The following STX18 variants were observed in gnomAD, a reference collection of about 807,000 sequenced individuals.
STX18 encodes the protein syntaxin-18.
A neutral mutation model predicts 50.1 loss-of-function variants in STX18; 40 were observed. That is an observed-to-expected ratio of 0.80 (90% CI 0.62 to 1.04). The LOEUF (loss-of-function observed/expected upper bound fraction) is 1.04, where lower values mean the gene tolerates loss of function less well. Ranked by LOEUF, STX18 falls within the 50% of genes least tolerant of loss-of-function variation. The probability of loss-of-function intolerance (pLI) is 0.00; values close to 1 mark genes in which losing one functional copy is unlikely to be tolerated. For missense variants in STX18, 410 were observed against 415.8 expected, an observed-to-expected ratio of 0.99 and a Z score of 0.12; for synonymous variants, 158 against 151.8, an observed-to-expected ratio of 1.04 and a Z score of -0.30.
chr4:4,457,346 T>G, intron 4 of STX18, 77 bp downstream of exon 4: 9 of 1,564,402 alleles, frequency 5.8e-6, no homozygotes, highest in Middle Eastern at 1.7e-4. Context: ...TACTACAGTC[T>G]TCAGCTAGCA....
At chr4:4,505,109 G>A (rs972921444) in intron 1 of STX18, among the ~76,000 whole-genome samples, 2 of 152,082 alleles carry the variant, frequency 1.3e-5, no homozygotes, top group African/African-American at 2.4e-5. Flanking sequence ...CTGGGCAACC[G>A]ATTTACTTTC....
At chr4:4,527,279 C>T (rs1427853725) in intron 1 of STX18, among the ~76,000 whole-genome samples, 1 of 152,134 alleles carries the variant, frequency 6.6e-6, no homozygotes, top group Non-Finnish European at 1.5e-5. Context: ...TTCCTTTCTA[C>T]CTGTATAAAG....
intron 1 of STX18, among the ~76,000 whole-genome samples, chr4:4,519,699 A>T (rs778351265): frequency 1.3e-5 from 2 of 152,224 alleles, no homozygotes; most frequent in Non-Finnish European, 2.9e-5. Context: ...TAGTTGTTAA[A>T]TCATCATCTA....
At position 4,424,841 on chromosome 4, in the gene STX18, A is replaced by G. The variant is rs764751048; in HGVS notation, c.761+323T>C. The stretch of plus-strand genomic sequence containing the variant: ...CTTCATAAGGGCCCCATTTCATTTC[A>G]GAGTCGCTGCGTGGAAACAGCCCGA... On this transcript the variant is annotated intron_variant, in intron 8 of 10. Transcript: ENST00000306200. Among the ~76,000 whole-genome samples the G allele has an allele frequency of 3.9e-5, 6 of 152,118 alleles. No homozygotes were observed. In the South Asian group the frequency reaches 1.2e-3, roughly 32 times the overall value.
At chr4:4,519,127 A>G (rs36049976) in intron 1 of STX18, among the ~76,000 whole-genome samples, 73 of 152,308 alleles carry the variant, frequency 4.8e-4, no homozygotes, top group Admixed American at 2.3e-3. Flanking sequence ...CACAGTAACA[A>G]ACACATTATT....
chr4:4,511,626 G>A (rs1313776307), intron 1 of STX18, among the ~76,000 whole-genome samples: 6 of 151,934 alleles, frequency 3.9e-5, no homozygotes, highest in African/African-American at 1.2e-4. Flanking sequence ...GGGTGATGGC[G>A]TATTTGTATA....
chr4:4,509,094 A>G (rs1286927489), intron 1 of STX18, among the ~76,000 whole-genome samples: 16 of 152,196 alleles, frequency 1.1e-4, no homozygotes, highest in Admixed American at 1.0e-3. Flanking sequence ...TGGGATTGCT[A>G]GGTCAAATGG....
At chr4:4,477,173 G>T (rs1164295180) in intron 1 of STX18, among the ~76,000 whole-genome samples, 1 of 152,184 alleles carries the variant, frequency 6.6e-6, no homozygotes, top group Non-Finnish European at 1.5e-5. Context: ...AACCCTGGAG[G>T]TGGAGGTTGT....
intron 1 of STX18, among the ~76,000 whole-genome samples, chr4:4,527,308 A>C (rs1730814740): frequency 6.6e-6 from 1 of 152,230 alleles, no homozygotes; most frequent in Non-Finnish European, 1.5e-5. Flanking sequence ...TGCTTTGGGA[A>C]TTCACTCACA....
At chr4:4,479,935 T>G (rs1421741471) in intron 1 of STX18, among the ~76,000 whole-genome samples, 1 of 152,212 alleles carries the variant, frequency 6.6e-6, no homozygotes, top group Non-Finnish European at 1.5e-5. Context: ...ACAGTTGACA[T>G]GGACTCAACA....
At chr4:4,489,372 T>A (rs1728836856) in intron 1 of STX18, among the ~76,000 whole-genome samples, 1 of 144,572 alleles carries the variant, frequency 6.9e-6, no homozygotes, top group African/African-American at 2.5e-5. Flanking sequence ...TCAAAGCACT[T>A]CAATACACAT....
intron 1 of STX18, among the ~76,000 whole-genome samples, chr4:4,476,671 T>C (rs1411596601): frequency 6.6e-6 from 1 of 152,212 alleles, no homozygotes; most frequent in Non-Finnish European, 1.5e-5. Context: ...AGGATTATGT[T>C]TTCATTTATC....
At chr4:4,488,095 T>G (rs995389324) in intron 1 of STX18, among the ~76,000 whole-genome samples, 1 of 152,186 alleles carries the variant, frequency 6.6e-6, no homozygotes. Context: ...AAAAGGCATA[T>G]AGTCTCTATG....
At chr4:4,539,200 C>T (rs932394464) in intron 1 of STX18, among the ~76,000 whole-genome samples, 4 of 152,082 alleles carry the variant, frequency 2.6e-5, no homozygotes, top group Admixed American at 2.0e-4. Flanking sequence ...CCAGATAAAA[C>T]GCATCCTAGA....
At chr4:4,457,336 T>C (rs564846043) in intron 4 of STX18, 79 bp from the exon 5 acceptor site, 6 of 1,542,866 alleles carry the variant, frequency 3.9e-6, no homozygotes, top group African/African-American at 2.7e-5. Flanking sequence ...TATAATGAGA[T>C]ACTACAGTCT....
At chr4:4,457,319 CATT>C in intron 4 of STX18, 62 bp from the exon 5 acceptor site, 1 of 1,578,206 alleles carries the variant, frequency 6.3e-7, no homozygotes, top group East Asian at 2.2e-5. Context: ...GCAAAGCCAT[CATT>C]AAATATAATG....
At position 4,495,398 on chromosome 4, in the gene STX18, T is replaced by G. The variant is rs1364759443; in HGVS notation, c.169-23692A>C. Among the ~76,000 whole-genome samples, 5 of 152,046 alleles carry G rather than the reference T, an allele frequency of 3.3e-5. No homozygotes were observed. The East Asian group carries it at 9.6e-4, about 29-fold the overall frequency. On this transcript the variant is annotated intron_variant, in intron 1 of 10. Coordinates refer to ENST00000306200, the MANE Select transcript of STX18 (RefSeq NM_016930.4). ...TCTTTCTTCTCTCTCTCTTTCTCTC[T>G]TTCTTTCTGAGACAAGGTCTTCCTC...
At chr4:4,500,836 G>C (rs1729417686) in intron 1 of STX18, among the ~76,000 whole-genome samples, 1 of 152,186 alleles carries the variant, frequency 6.6e-6, no homozygotes, top group Non-Finnish European at 1.5e-5. Flanking sequence ...AGGAGTTCAA[G>C]ACCAGGCTGA....
chr4:4,506,164 C>A (rs1157510262), intron 1 of STX18, among the ~76,000 whole-genome samples: 1 of 152,196 alleles, frequency 6.6e-6, no homozygotes, highest in African/African-American at 2.4e-5. Context: ...TAAACATACA[C>A]TCACCAGATA....
Sources: gnomAD v4.1 joint callset for allele counts (sites outside exome capture counted in the v4.1 genomes callset) on GRCh38, gnomAD v4.1.1 for gene constraint, MANE v1.5 for transcripts, NCBI Gene and HGNC (gene_info 2026-07-23, HGNC 2026-07-21) for gene names.